The following EYS variants were observed in gnomAD, a reference collection of about 807,000 sequenced individuals.
EYS encodes the protein protein eyes shut homolog.
EYS carries 250 observed loss-of-function variants against 282.1 expected under a neutral mutation model. The ratio of observed to expected loss-of-function variants is 0.89; its 90% CI spans 0.80 to 0.98. The LOEUF (loss-of-function observed/expected upper bound fraction) is 0.98, where lower values mean the gene tolerates loss of function less well. Among genes scored for constraint, EYS ranks in the 50% least tolerant of loss-of-function variants. EYS has a pLI of 0.00. For missense variants in EYS, 4,016 were observed against 3,709.0 expected (o/e 1.08, Z -2.15); for synonymous variants, 1,355 against 1,282.9 (o/e 1.06, Z -1.20).
chr6:63,733,408 A>G (rs925748225), intron 41 of EYS, among the ~76,000 whole-genome samples: 1 of 152,118 alleles, frequency 6.6e-6, no homozygotes, highest in Non-Finnish European at 1.5e-5. Flanking sequence ...ATAGTACCCA[A>G]TAGGTAGTTT....
intron 31 of EYS, among the ~76,000 whole-genome samples, chr6:64,132,753 T>A (rs1774025063): frequency 6.6e-6 from 1 of 151,746 alleles, no homozygotes; most frequent in African/African-American, 2.4e-5. Flanking sequence ...TTTTTAAAAA[T>A]TTTTATACTT....
At chr6:64,249,669 C>A (rs1199744445) in intron 30 of EYS, among the ~76,000 whole-genome samples, 1 of 152,090 alleles carries the variant, frequency 6.6e-6, no homozygotes, top group Non-Finnish European at 1.5e-5. Context: ...AAGAAGCAAG[C>A]AGATGGAATA....
At chr6:65,155,769 C>G (rs983861627) in intron 12 of EYS, among the ~76,000 whole-genome samples, 3 of 150,970 alleles carry the variant, frequency 2.0e-5, no homozygotes, top group African/African-American at 7.3e-5. Context: ...TTAAGCAAGT[C>G]AAAGCATTGA....
intron 22 of EYS, among the ~76,000 whole-genome samples, chr6:64,697,812 C>A: frequency 6.6e-6 from 1 of 151,874 alleles, no homozygotes; most frequent in East Asian, 1.9e-4. Flanking sequence ...CATGGTGGCA[C>A]GCACCTGTAG....
intron 35 of EYS, among the ~76,000 whole-genome samples, chr6:63,930,765 T>C (rs1344780266): frequency 6.6e-6 from 1 of 152,120 alleles, no homozygotes; most frequent in African/African-American, 2.4e-5. Context: ...TGCAGGAAAG[T>C]GGTGAGTGTT....
At chr6:65,363,682 C>G (rs993217011) in intron 8 of EYS, among the ~76,000 whole-genome samples, 2 of 151,668 alleles carry the variant, frequency 1.3e-5, no homozygotes, top group African/African-American at 2.4e-5. Context: ...TAATACAAGT[C>G]AAGTTTATTT....
intron 22 of EYS, among the ~76,000 whole-genome samples, chr6:64,651,290 T>C (rs1206180594): frequency 6.6e-6 from 1 of 152,198 alleles, no homozygotes; most frequent in African/African-American, 2.4e-5. Context: ...AATATTATAG[T>C]CTACAGTTCT....
At position 64,590,218 on chromosome 6, in the gene EYS, C is replaced by T. The variant is rs794727412; in HGVS notation, c.5644+5G>A. 6.6e-6 allele frequency: 10 copies of T among 1,523,254 alleles called. No homozygotes were observed. In the East Asian group the frequency reaches 2.2e-4, roughly 34 times the overall value. 94.4% of individuals were successfully genotyped at this position (1,523,254 alleles called of 1,614,324 possible). On this transcript the variant is annotated splice_donor_5th_base_variant and intron_variant, in intron 26 of 42. Coordinates refer to ENST00000503581, the MANE Select transcript of EYS (RefSeq NM_001142800.2). ...AGTTTACTGAACAGAAACTGAGAAA[C>T]TCACCAGAAATCATCAGCCGTTGAG...
chr6:63,900,719 T>C (rs1581953362), intron 35 of EYS, among the ~76,000 whole-genome samples: 2 of 152,212 alleles, frequency 1.3e-5, no homozygotes, highest in Admixed American at 1.3e-4. Context: ...GCTTGAGGTG[T>C]TGGAGTGAAA....
chr6:63,792,122 GA>G (rs1770532981), intron 37 of EYS, among the ~76,000 whole-genome samples: 1 of 151,896 alleles, frequency 6.6e-6, no homozygotes, highest in Non-Finnish European at 1.5e-5. Context: ...CAGTCTGGGG[GA>G]AAAGGCTGAG....
chr6:64,439,588 C>G (rs776475895), intron 26 of EYS, among the ~76,000 whole-genome samples: 1 of 151,724 alleles, frequency 6.6e-6, no homozygotes, highest in African/African-American at 2.4e-5. Context: ...AAGATGATTA[C>G]TCTTCAACAC....
chr6:63,851,926 G>A (rs1279513322), intron 36 of EYS, among the ~76,000 whole-genome samples: 7 of 152,112 alleles, frequency 4.6e-5, no homozygotes, highest in Admixed American at 6.5e-5. Context: ...GGGAGGCCGA[G>A]GCGGGCAGAT....
At chr6:63,731,666 T>G (rs1217233288) in intron 41 of EYS, among the ~76,000 whole-genome samples, 1 of 152,194 alleles carries the variant, frequency 6.6e-6, no homozygotes, top group Non-Finnish European at 1.5e-5. Flanking sequence ...GTTTTTAAAT[T>G]TATAGGCCTT....
intron 11 of EYS, among the ~76,000 whole-genome samples, chr6:65,321,095 G>A (rs1163576725): frequency 1.3e-5 from 2 of 151,104 alleles, no homozygotes; most frequent in East Asian, 2.0e-4. Flanking sequence ...GCAGTGCTCT[G>A]TAAGACTACG....
chr6:63,937,061 G>A (rs1765079604), intron 35 of EYS, among the ~76,000 whole-genome samples: 1 of 152,158 alleles, frequency 6.6e-6, no homozygotes, highest in Admixed American at 6.5e-5. Flanking sequence ...TCCAGAACTA[G>A]GGTGTTAGTG....
At chr6:64,744,081 C>A (rs1448603349) in intron 22 of EYS, among the ~76,000 whole-genome samples, 1 of 152,028 alleles carries the variant, frequency 6.6e-6, no homozygotes, top group African/African-American at 2.4e-5. Flanking sequence ...AATTGGCAAT[C>A]TTGGCCTAAA....
At chr6:64,408,949 C>G (rs1012034788) in intron 28 of EYS, among the ~76,000 whole-genome samples, 1 of 152,146 alleles carries the variant, frequency 6.6e-6, no homozygotes, top group Non-Finnish European at 1.5e-5. Context: ...CACCCTCTTC[C>G]CATTCTCAAC....
At chr6:64,742,863 T>G (rs1772421591) in intron 22 of EYS, among the ~76,000 whole-genome samples, 1 of 152,088 alleles carries the variant, frequency 6.6e-6, no homozygotes, top group African/African-American at 2.4e-5. Flanking sequence ...GTTTTTCAGT[T>G]TTGTCAAAGC....
At chr6:63,937,338 CTCTTTTCTTTTTTTTTTTTTTTTTTT>C in intron 35 of EYS, among the ~76,000 whole-genome samples, 1 of 64,852 alleles carries the variant, frequency 1.5e-5, no homozygotes, top group African/African-American at 5.3e-5. Context: ...CTAGGCTTCT[CTCTTTTCTTTTTTTTTTTTTTTTTTT>C]TTTTTTTTTT....
Sources: allele counts gnomAD v4.1 joint callset (sites outside exome capture counted in the v4.1 genomes callset), GRCh38; gene constraint gnomAD v4.1.1; transcripts MANE v1.5; gene names NCBI Gene and HGNC (gene_info 2026-07-23, HGNC 2026-07-21).